TASOR: variants seen among roughly 807,000 people sequenced by gnomAD.
TASOR encodes the protein protein TASOR.
Under a neutral mutation model 178.6 loss-of-function variants are expected in TASOR, and 53 were observed. The observed-to-expected ratio is 0.30, with a 90% CI of 0.24 to 0.37. The LOEUF (loss-of-function observed/expected upper bound fraction) is 0.37. Ranked by LOEUF, TASOR falls within the 10% of genes least tolerant of loss-of-function variation. TASOR has a pLI of 1.00. For synonymous variants in TASOR, 713 were observed against 696.2 expected, an observed-to-expected ratio of 1.02 and a Z score of -0.38; for missense variants, 1,815 against 1,971.4, an observed-to-expected ratio of 0.92 and a Z score of 1.50.
Position 56,673,564 on chromosome 3 carries a change from A to G in TASOR, c.477+16T>C, listed in dbSNP as rs1452537758. ...TTCTGAAAACAATCTTACAGTAAGT[A>G]TAATTTAAAACATACCTCCTTTTCC... On this transcript the variant is annotated intron_variant, in intron 2 of 23. Transcript: ENST00000683822. 2.6e-6 allele frequency: 4 copies of G among 1,528,100 alleles called. No homozygotes were observed. Among genetic ancestry groups the G allele is most frequent in the Non-Finnish European group, 3.5e-6 (4 of 1,138,086 alleles). The allele number at this position is 1,528,100 out of a possible 1,614,324, so 94.7% of individuals were successfully genotyped here. A position where few individuals can be genotyped will look rare whatever the true frequency, so the allele number is the denominator to read the frequency against.
intron 11 of TASOR, among the ~76,000 whole-genome samples, chr3:56,653,282 A>AAAAAAAAAAAAAAAAAAAAAAAAAAC (rs2077392997): frequency 9.4e-6 from 1 of 106,754 alleles, no homozygotes; most frequent in Non-Finnish European, 1.7e-5. Context: ...AAAAAAAAAA[A>AAAAAAAAAAAAAAAAAAAAAAAAAAC]AAAAAAAGAA....
In TASOR at chr3:56,666,258, AC is replaced by A; in HGVS notation, c.1022+1del. ...ATGATGTCTAAAACTCCTAAGTCTT[AC>A]CTTGATGAAGGTACAAACTTCGGAG... On this transcript the variant is annotated splice_donor_variant, in intron 7 of 23. Transcript: ENST00000683822. LOFTEE classifies it high-confidence loss of function. 6.5e-7 allele frequency: 1 copy of A among 1,537,824 alleles called. No individual in the cohort carries two copies. The highest frequency in any genetic ancestry group is 8.8e-7 in the Non-Finnish European group (1 of 1,141,916).
Position 56,667,566 on chromosome 3 carries a change from A to AG in TASOR, c.897+830dup, listed in dbSNP as rs1473590029. Among the ~76,000 whole-genome samples, 3 of 152,240 alleles carry AG rather than the reference A, an allele frequency of 2.0e-5. No homozygotes were observed. The East Asian group carries it at 5.8e-4, about 29-fold the overall frequency. On this transcript the variant is annotated intron_variant, in intron 6 of 23. Transcript: ENST00000683822. ...CAGCTACTTGGGAGGCTGAGGCAGG[A>AG]GAATCATTTGAACCTGGGGGGCAGA...
Position 56,660,784 on chromosome 3 carries a change from T to C in TASOR, c.1315A>G (p.Arg439Gly), listed in dbSNP as rs773976860. 5.6e-6 allele frequency: 9 copies of C among 1,613,840 alleles called. No homozygotes were observed. In the South Asian group the frequency reaches 8.8e-5, roughly 16 times the overall value. The part of the protein sequence containing the change: ...CSLYEVVEKT[R>G]IGSNMESLLQ... ...AAACTCTCCATGTTACTTCCAATTC[T>C]TGTCTTTTCCACAACTTCATAAAGG... The change falls in exon 11 of 24, where the codon AGA becomes GGA. Residue 439 changes from arginine (R) to glycine (G), a missense_variant. Arg to Gly is a moderately radical substitution (Grantham distance 125). Around this residue, in one of 5 missense-constraint regions of TASOR, gnomAD observed 504 missense variants for 645.3 expected, o/e 0.78. Coordinates refer to ENST00000683822, the MANE Select transcript of TASOR (RefSeq NM_001365635.2).
At chr3:56,638,410 C>T (rs1444087575) in intron 17 of TASOR, among the ~76,000 whole-genome samples, 2 of 152,090 alleles carry the variant, frequency 1.3e-5, no homozygotes, top group Non-Finnish European at 1.5e-5. Flanking sequence ...ATAAAATATA[C>T]TGCACAAATG....
At chr3:56,673,555 ACAGT>A in intron 2 of TASOR, 21 bp downstream of exon 2, 1 of 1,494,790 alleles carries the variant, frequency 6.7e-7, no homozygotes, top group Non-Finnish European at 8.9e-7. Flanking sequence ...AAACAATCTT[ACAGT>A]AAGTATAATT....
intron 17 of TASOR, among the ~76,000 whole-genome samples, chr3:56,637,952 T>C (rs2077049749): frequency 6.6e-6 from 1 of 152,134 alleles, no homozygotes. Flanking sequence ...AGTTTCTTAA[T>C]CTTATTTAAT....
intron 1 of TASOR, among the ~76,000 whole-genome samples, chr3:56,677,019 A>C (rs573343105): frequency 1.4e-4 from 21 of 152,364 alleles, no homozygotes; most frequent in Admixed American, 4.6e-4. Context: ...ATAATTTCTA[A>C]GATAATAAAA....
intron 1 of TASOR, among the ~76,000 whole-genome samples, chr3:56,682,230 T>C (rs1164177509): frequency 1.3e-5 from 2 of 152,174 alleles, no homozygotes; most frequent in African/African-American, 2.4e-5. Flanking sequence ...CTGAAGAATT[T>C]CCACGGGGAG....
In TASOR at chr3:56,647,026, G is replaced by A; in HGVS notation, c.1711C>T (p.Arg571Ter). 3 of 1,602,926 alleles carry A rather than the reference G, an allele frequency of 1.9e-6. No homozygotes were observed. Among genetic ancestry groups the A allele is most frequent in the Non-Finnish European group, 2.5e-6 (3 of 1,177,254 alleles). Residue 571 changes from arginine (R) to a stop codon, truncating the protein, a stop_gained, in exon 14 of 24, where the codon CGA becomes TGA. Transcript: ENST00000683822. LOFTEE classifies it high-confidence loss of function. ...FFKRGFGSGK[R>*]EFIMFPYDSR... is the part of the protein sequence containing the mutation. ...TCATATGGAAACATAATAAACTCTC[G>A]TTTACCTGAACCAAAACCTCGCTTA...
At chr3:56,653,543 GAAGCCATAAGACAC>G (rs2077403745) in intron 11 of TASOR, among the ~76,000 whole-genome samples, 1 of 151,460 alleles carries the variant, frequency 6.6e-6, no homozygotes, top group South Asian at 2.1e-4. Flanking sequence ...AACAAAAATA[GAAGCCATAAGACAC>G]TGCAGCATAG....
At chr3:56,656,051 T>A (rs1226548473) in intron 11 of TASOR, among the ~76,000 whole-genome samples, 1 of 152,116 alleles carries the variant, frequency 6.6e-6, no homozygotes, top group Non-Finnish European at 1.5e-5. Flanking sequence ...AGACAACAGC[T>A]GACCACAGGT....
rs1232350252 is a variant in TASOR, at chr3:56,668,481, G to A, written c.813C>T (p.Pro271=). 1.3e-6 allele frequency: 2 copies of A among 1,550,930 alleles called. No homozygotes were observed. Among genetic ancestry groups the A allele is most frequent in the African/African-American group, 1.4e-5 (1 of 72,978 alleles). Residue 271 remains proline (P), a synonymous_variant, in exon 6 of 24, where the codon CCC becomes CCT. Coordinates refer to ENST00000683822, the MANE Select transcript of TASOR (RefSeq NM_001365635.2). ...ESMLNKSALD[P]TPKHECHVSK... ...ACACGTGACATTCATGCTTTGGTGT[G>A]GGGTCCAAAGCACTCTTATTTAACA... is the stretch of plus-strand genomic sequence containing the variant.
rs1369016261 is a variant in TASOR, at chr3:56,622,158, AAGTT to A, written c.*875_*878del. The A allele has an allele frequency of 6.6e-6, 1 of 152,250 alleles. No individual in the cohort carries two copies. The highest frequency in any genetic ancestry group is 1.5e-5 in the Non-Finnish European group (1 of 68,058). The allele number at this position is 152,250 out of a possible 1,614,324, so 9.4% of individuals were successfully genotyped here. A position where few individuals can be genotyped will look rare whatever the true frequency, so the allele number is the denominator to read the frequency against. ...TTGCAATTTTCAAAAACATTTTTAA[AAGTT>A]AGCATTAGTAACAAGTTAGTAATTA... On this transcript the variant is annotated 3_prime_UTR_variant, in exon 24 of 24. Transcript: ENST00000683822.
At chr3:56,638,668 G>C (rs754113630) in intron 17 of TASOR, 38 bp downstream of exon 17, 145 of 1,609,136 alleles carry the variant, frequency 9.0e-5, no homozygotes, top group Non-Finnish European at 1.2e-4. Context: ...CTCTGAAGAA[G>C]GGCACACTGG....
At chr3:56,651,199 A>C (rs2077344602) in intron 11 of TASOR, among the ~76,000 whole-genome samples, 1 of 151,930 alleles carries the variant, frequency 6.6e-6, no homozygotes, top group Non-Finnish European at 1.5e-5. Context: ...AATCCATTCA[A>C]CTCTGCAGAA....
intron 11 of TASOR, among the ~76,000 whole-genome samples, chr3:56,656,019 G>A (rs1238931203): frequency 1.3e-5 from 2 of 152,064 alleles, no homozygotes; most frequent in African/African-American, 4.8e-5. Flanking sequence ...ATTATTTCTG[G>A]AGCTTTCCAT....
In TASOR at chr3:56,622,839, G is replaced by A; in HGVS notation, c.*198C>T. On this transcript the variant is annotated 3_prime_UTR_variant, in exon 24 of 24. Coordinates refer to ENST00000683822, the MANE Select transcript of TASOR (RefSeq NM_001365635.2). ...AAGTAAAACTTAGAAGTGCCAACAT[G>A]AGATAATTCAAGTACAATATATGTT... 5.5e-6 allele frequency: 2 copies of A among 364,064 alleles called. No individual in the cohort carries two copies. Among genetic ancestry groups the A allele is most frequent in the Admixed American group, 9.0e-5 (2 of 22,316 alleles). 22.6% of individuals were successfully genotyped at this position (364,064 alleles called of 1,614,324 possible).
intron 16 of TASOR, among the ~76,000 whole-genome samples, chr3:56,639,272 T>G (rs1057501613): frequency 7.9e-5 from 12 of 151,974 alleles, no homozygotes; most frequent in African/African-American, 2.7e-4. Flanking sequence ...GTTAGAGGTG[T>G]AGGACTGGAA....
Sources: allele counts gnomAD v4.1 joint callset (sites outside exome capture counted in the v4.1 genomes callset), GRCh38; gene constraint gnomAD v4.1.1; regional missense constraint gnomAD v4.1.1; transcripts MANE v1.5; gene names NCBI Gene and HGNC (gene_info 2026-07-23, HGNC 2026-07-21).